NRXN3: variants seen among roughly 807,000 people sequenced by gnomAD.
NRXN3 encodes the protein neurexin 3.
Under a neutral mutation model 137.6 loss-of-function variants are expected in NRXN3, and 32 were observed. The observed-to-expected ratio is 0.23, with a 90% confidence interval of 0.18 to 0.31. NRXN3 has a LOEUF of 0.31. NRXN3 is among the 10% of genes least tolerant of loss of function. The pLI is 1.00. For missense variants in NRXN3, 1,574 were observed against 2,062.5 expected (o/e 0.76, Z 4.59); for synonymous variants, 798 against 784.5 (o/e 1.02, Z -0.29).
chr14:78,656,758 C>A (rs2097787382), intron 6 of NRXN3, among the ~76,000 whole-genome samples: 1 of 151,916 alleles, frequency 6.6e-6, no homozygotes, highest in Admixed American at 6.6e-5. Context: ...AATGGTGGTC[C>A]CTCGGCCGAG....
At chr14:78,452,622 C>G (rs1482980998) in intron 4 of NRXN3, among the ~76,000 whole-genome samples, 1 of 152,226 alleles carries the variant, frequency 6.6e-6, no homozygotes, top group African/African-American at 2.4e-5. Flanking sequence ...GGCTGAAAAT[C>G]TAGATGAGAA....
At chr14:78,661,661 T>G (rs1408912481) in intron 6 of NRXN3, among the ~76,000 whole-genome samples, 1 of 152,212 alleles carries the variant, frequency 6.6e-6, no homozygotes, top group Non-Finnish European at 1.5e-5. Context: ...TGCAGTATAA[T>G]TTATTGGTTA....
chr14:78,520,021 C>T (rs35456433), intron 4 of NRXN3, among the ~76,000 whole-genome samples: 32,857 of 152,152 alleles, frequency 0.22, 3,897 homozygotes, highest in Middle Eastern at 0.31. Flanking sequence ...CTTTCAAATG[C>T]CTCTGAAACA....
chr14:78,400,923 A>G (rs1390225170), intron 4 of NRXN3, among the ~76,000 whole-genome samples: 2 of 152,074 alleles, frequency 1.3e-5, no homozygotes, highest in Non-Finnish European at 2.9e-5. Context: ...GAGACTGGGG[A>G]ATTTATAAAC....
chr14:78,669,134 A>G (rs372021774), intron 6 of NRXN3, among the ~76,000 whole-genome samples: 12 of 152,350 alleles, frequency 7.9e-5, no homozygotes, highest in African/African-American at 2.9e-4. Flanking sequence ...AAAAATTTTA[A>G]GAGTGAGGAG....
intron 15 of NRXN3, among the ~76,000 whole-genome samples, chr14:79,020,696 TA>T (rs2099588135): frequency 6.6e-6 from 1 of 152,012 alleles, no homozygotes; most frequent in Non-Finnish European, 1.5e-5. Flanking sequence ...AAGGAACATT[TA>T]AAAAACAAAG....
intron 17 of NRXN3, among the ~76,000 whole-genome samples, chr14:79,685,868 C>A (rs149496449): frequency 7.9e-5 from 12 of 152,246 alleles, no homozygotes; most frequent in Non-Finnish European, 1.8e-4. Context: ...AACATGTATG[C>A]ACAAAACATG....
intron 6 of NRXN3, among the ~76,000 whole-genome samples, chr14:78,692,236 T>G (rs1307662242): frequency 6.6e-6 from 1 of 152,148 alleles, no homozygotes; most frequent in Non-Finnish European, 1.5e-5. Context: ...TTTTCTGTGG[T>G]CTTGACTTCT....
At chr14:79,659,832 C>T (rs2098524602) in intron 16 of NRXN3, among the ~76,000 whole-genome samples, 1 of 152,142 alleles carries the variant, frequency 6.6e-6, no homozygotes. Flanking sequence ...TAGGCTAAAA[C>T]CCACATTTAT....
chr14:79,250,101 A>G (rs980412143), intron 15 of NRXN3, among the ~76,000 whole-genome samples: 9 of 152,198 alleles, frequency 5.9e-5, no homozygotes, highest in African/African-American at 2.2e-4. Context: ...CCTTCATGCA[A>G]ACATAAACAG....
chr14:79,203,190 G>A (rs959217160), intron 15 of NRXN3, among the ~76,000 whole-genome samples: 9 of 152,260 alleles, frequency 5.9e-5, no homozygotes, highest in African/African-American at 2.2e-4. Context: ...CTCTGGATCT[G>A]AAGACAGCCT....
intron 4 of NRXN3, among the ~76,000 whole-genome samples, chr14:78,593,093 C>T (rs2097130695): frequency 6.6e-6 from 1 of 152,218 alleles, no homozygotes; most frequent in South Asian, 2.1e-4. Flanking sequence ...ACACTTTCCT[C>T]CTCGGTGCAT....
intron 15 of NRXN3, among the ~76,000 whole-genome samples, chr14:79,178,160 T>C (rs569171530): frequency 1.3e-5 from 2 of 152,318 alleles, no homozygotes; most frequent in African/African-American, 4.8e-5. Flanking sequence ...GCAGTATGCC[T>C]GGGGTTGGGC....
intron 19 of NRXN3, among the ~76,000 whole-genome samples, chr14:79,703,811 C>T (rs747164453): frequency 1.1e-4 from 16 of 152,190 alleles, no homozygotes; most frequent in South Asian, 4.2e-4. Flanking sequence ...GTACCTTTCC[C>T]GTAGGCTCCT....
chr14:79,711,823 G>C (rs962381139), intron 19 of NRXN3, among the ~76,000 whole-genome samples: 3 of 152,170 alleles, frequency 2.0e-5, no homozygotes, highest in Non-Finnish European at 4.4e-5. Context: ...GATGGTGAAG[G>C]GTGGCCCATA....
chr14:78,334,914 A>G (rs919417979), intron 4 of NRXN3, among the ~76,000 whole-genome samples: 2 of 152,194 alleles, frequency 1.3e-5, no homozygotes, highest in African/African-American at 4.8e-5. Context: ...TTTTGCCAAC[A>G]TTATATCCTC....
At chr14:79,739,000 C>G (rs767200278) in intron 19 of NRXN3, among the ~76,000 whole-genome samples, 2 of 152,178 alleles carry the variant, frequency 1.3e-5, no homozygotes, top group Non-Finnish European at 2.9e-5. Flanking sequence ...TAGAAAGTCT[C>G]ATTACTATAA....
intron 20 of NRXN3, among the ~76,000 whole-genome samples, chr14:79,857,513 T>C (rs56810899): frequency 0.058 from 8,784 of 152,228 alleles, 485 homozygotes; most frequent in East Asian, 0.29. Context: ...TGAGCCACCG[T>C]GCCTGGCCAA....
chr14:79,252,911 C>T (rs931329836), intron 15 of NRXN3, among the ~76,000 whole-genome samples: 14 of 152,108 alleles, frequency 9.2e-5, no homozygotes, highest in African/African-American at 3.4e-4. Context: ...CCAGCCACAT[C>T]CATTAGTCTA....
Sources: gnomAD v4.1 joint callset for allele counts (sites outside exome capture counted in the v4.1 genomes callset) on GRCh38, gnomAD v4.1.1 for gene constraint, MANE v1.5 for transcripts, NCBI Gene and HGNC (gene_info 2026-07-23, HGNC 2026-07-21) for gene names.